Variants in EPHA5 observed in about 807,000 individuals in gnomAD.
EPHA5 encodes ephrin type-A receptor 5.
EPHA5 carries 60 observed loss-of-function variants against 105.0 expected under a neutral mutation model. That is an observed-to-expected ratio of 0.57 (90% CI 0.46 to 0.71). EPHA5 has a LOEUF of 0.71. Among genes scored for constraint, EPHA5 ranks in the 30% least tolerant of loss-of-function variants. The pLI, the probability that EPHA5 is intolerant of heterozygous loss-of-function variation, is 0.00. For missense variants in EPHA5, 1,218 were observed against 1,274.7 expected, an observed-to-expected ratio of 0.96 and a Z score of 0.68; for synonymous variants, 513 against 449.1, an observed-to-expected ratio of 1.14 and a Z score of -1.80.
At chr4:65,492,352 C>A (rs1323017209) in intron 4 of EPHA5, among the ~76,000 whole-genome samples, 1 of 151,804 alleles carries the variant, frequency 6.6e-6, no homozygotes, top group Non-Finnish European at 1.5e-5. Context: ...CAGGGGCCCA[C>A]CACCACACCT....
chr4:65,345,606 A>G (rs2148834326), intron 14 of EPHA5, among the ~76,000 whole-genome samples: 1 of 152,340 alleles, frequency 6.6e-6, no homozygotes, highest in Non-Finnish European at 1.5e-5. Context: ...AAGTCGGAGG[A>G]CATCCTCCTC....
At position 65,397,560 on chromosome 4, in the gene EPHA5, G is replaced by C. The variant is rs570530749; in HGVS notation, c.1793+6814C>G. Among the ~76,000 whole-genome samples the C allele has an allele frequency of 1.0e-3, 153 of 151,930 alleles. 2 individuals are homozygous for C. The South Asian group carries it at 0.032, about 32-fold the overall frequency. On this transcript the variant is annotated intron_variant, in intron 8 of 16. Transcript: ENST00000613740. ...TAATTTTTTTGACCAGGATGAAACA[G>C]CTCTAGTCACAACATTCTTTTTCAA...
chr4:65,642,242 T>C (rs1029441497), intron 2 of EPHA5, among the ~76,000 whole-genome samples: 2 of 152,000 alleles, frequency 1.3e-5, no homozygotes, highest in Non-Finnish European at 2.9e-5. Flanking sequence ...ATACAAAATA[T>C]CTGTATAGGT....
intron 2 of EPHA5, 138 bp downstream of exon 2, chr4:65,643,225 C>A: frequency 1.7e-6 from 1 of 602,304 alleles, no homozygotes; most frequent in Non-Finnish European, 2.9e-6. Context: ...TTTGAAGTCC[C>A]CTCACCCCAT....
chr4:65,477,860 T>G (rs1415264062), intron 5 of EPHA5, among the ~76,000 whole-genome samples: 1 of 152,152 alleles, frequency 6.6e-6, no homozygotes, highest in African/African-American at 2.4e-5. Flanking sequence ...CCATCATGTC[T>G]CTGACATCAC....
intron 5 of EPHA5, among the ~76,000 whole-genome samples, chr4:65,486,899 T>TG (rs1469076450): frequency 2.0e-5 from 3 of 152,204 alleles, no homozygotes; most frequent in Non-Finnish European, 2.9e-5. Flanking sequence ...GACTGGATCA[T>TG]GGGGGCAGTT....
At chr4:65,583,264 CAAATATTATTA>C (rs1367286927) in intron 3 of EPHA5, among the ~76,000 whole-genome samples, 37 of 151,322 alleles carry the variant, frequency 2.4e-4, no homozygotes. Context: ...CCACTAAACA[CAAATATTATTA>C]AAGCTTTCTC....
intron 15 of EPHA5, among the ~76,000 whole-genome samples, chr4:65,334,383 T>C (rs66496070): frequency 0.25 from 37,832 of 151,842 alleles, 4,737 homozygotes; most frequent in East Asian, 0.34. Context: ...GAAGTTGAAG[T>C]TATGAAAGAA....
chr4:65,509,779 T>C (rs1290469279), intron 3 of EPHA5, among the ~76,000 whole-genome samples: 2 of 152,168 alleles, frequency 1.3e-5, no homozygotes, highest in Non-Finnish European at 2.9e-5. Context: ...AATTCTACAC[T>C]GATTCAGATC....
chr4:65,426,141 T>C (rs1724423079), intron 5 of EPHA5, among the ~76,000 whole-genome samples: 1 of 152,126 alleles, frequency 6.6e-6, no homozygotes, highest in African/African-American at 2.4e-5. Flanking sequence ...GCCTTATGGA[T>C]TACTAGGTTG....
intron 1 of EPHA5, among the ~76,000 whole-genome samples, chr4:65,645,433 G>C (rs1378885954): frequency 6.6e-6 from 1 of 152,048 alleles, no homozygotes; most frequent in Non-Finnish European, 1.5e-5. Context: ...TCCTTTGGCA[G>C]CAAACTGATG....
intron 12 of EPHA5, among the ~76,000 whole-genome samples, chr4:65,352,725 CCT>C (rs1338468408): frequency 2.0e-5 from 3 of 151,600 alleles, no homozygotes; most frequent in Non-Finnish European, 4.4e-5. Flanking sequence ...TCCTTTTTTC[CCT>C]TTTTACATTT....
chr4:65,363,705 C>G (rs1432407310), intron 11 of EPHA5, among the ~76,000 whole-genome samples: 1 of 151,344 alleles, frequency 6.6e-6, no homozygotes, highest in Non-Finnish European at 1.5e-5. Flanking sequence ...TAGATAATAC[C>G]ATTTCTGCAT....
intron 3 of EPHA5, among the ~76,000 whole-genome samples, chr4:65,527,669 T>C (rs934929249): frequency 6.6e-6 from 1 of 152,122 alleles, no homozygotes; most frequent in African/African-American, 2.4e-5. Flanking sequence ...AGTAAAGTTC[T>C]GGGTATCTTT....
chr4:65,345,757 C>T (rs12641016), intron 14 of EPHA5, among the ~76,000 whole-genome samples: 79,727 of 151,988 alleles, frequency 0.52, 21,644 homozygotes, highest in East Asian at 0.8. Flanking sequence ...GCAATCATGC[C>T]TCTTCTTTTT....
intron 2 of EPHA5, among the ~76,000 whole-genome samples, chr4:65,642,232 A>T (rs769216931): frequency 2.0e-5 from 3 of 152,120 alleles, no homozygotes; most frequent in Admixed American, 6.6e-5. Context: ...AAAAGGGAGA[A>T]TACAAAATAT....
rs1213650371 is a variant in EPHA5, at chr4:65,618,550, G to A, written c.247-16246C>T. Among the ~76,000 whole-genome samples, 4 of 152,064 alleles carry A rather than the reference G, an allele frequency of 2.6e-5. No homozygotes were observed. The East Asian group carries it at 5.8e-4, about 22-fold the overall frequency. ...CTGATCACTCTACAGGATGATCAAG[G>A]TACAAACACTTTTTTTGACAATCTT... On this transcript the variant is annotated intron_variant, in intron 2 of 16. Transcript: ENST00000613740.
chr4:65,519,299 A>T (rs1015795221), intron 3 of EPHA5, among the ~76,000 whole-genome samples: 1 of 152,134 alleles, frequency 6.6e-6, no homozygotes, highest in African/African-American at 2.4e-5. Context: ...TCAATAGATG[A>T]AGAAAAGGCC....
At chr4:65,606,393 A>C (rs1744231860) in intron 2 of EPHA5, among the ~76,000 whole-genome samples, 1 of 152,232 alleles carries the variant, frequency 6.6e-6, no homozygotes, top group African/African-American at 2.4e-5. Flanking sequence ...ATATTGAATA[A>C]ATAGTTAAAT....
Sources: allele counts gnomAD v4.1 joint callset (sites outside exome capture counted in the v4.1 genomes callset), GRCh38; gene constraint gnomAD v4.1.1; transcripts MANE v1.5; gene names NCBI Gene and HGNC (gene_info 2026-07-23, HGNC 2026-07-21).